Variants in SPEN observed in about 807,000 individuals in gnomAD.
SPEN encodes spen family transcriptional repressor.
In SPEN, 18 loss-of-function variants were observed where a neutral mutation model predicts 269.9. The ratio of observed to expected loss-of-function variants is 0.07; its 90% CI spans 0.05 to 0.10. The LOEUF (loss-of-function observed/expected upper bound fraction) is 0.10, where lower values mean the gene tolerates loss of function less well. Among genes scored for constraint, SPEN ranks in the 10% least tolerant of loss-of-function variants. The probability of loss-of-function intolerance (pLI) is 1.00; values close to 1 mark genes in which losing one functional copy is unlikely to be tolerated. For missense variants in SPEN, 3,822 were observed against 4,631.2 expected, an observed-to-expected ratio of 0.83 and a Z score of 5.07; for synonymous variants, 1,726 against 1,765.7, an observed-to-expected ratio of 0.98 and a Z score of 0.56.
At chr1:15,881,555 C>G (rs1261102886) in intron 3 of SPEN, among the ~76,000 whole-genome samples, 1 of 152,162 alleles carries the variant, frequency 6.6e-6, no homozygotes, top group African/African-American at 2.4e-5. Context: ...TTGCCTTTCT[C>G]AGAATACATG....
rs200567875 is a variant in SPEN at position 15,938,565 on chromosome 1, C to CTT, written c.10705-135_10705-134dup. The CTT allele has an allele frequency of 1.4e-3, 341 of 239,046 alleles. 4 individuals carry two copies. The highest frequency in any genetic ancestry group is 6.2e-3 in the African/African-American group (197 of 31,630). 14.8% of individuals were successfully genotyped at this position (239,046 alleles called of 1,614,324 possible). A position where few individuals can be genotyped will look rare whatever the true frequency, so the allele number is the denominator to read the frequency against. ...TCAGCTTTCTCAGGTTGAAAAAAAG[C>CTT]TTTTTTTTTTTTTTTTTTTCATTCA... On this transcript the variant is annotated intron_variant, in intron 13 of 14. Coordinates refer to ENST00000375759, the MANE Select transcript of SPEN (RefSeq NM_015001.3).
At chr1:15,864,232 G>A (rs1569976846) in intron 1 of SPEN, among the ~76,000 whole-genome samples, 1 of 151,062 alleles carries the variant, frequency 6.6e-6, no homozygotes, top group Non-Finnish European at 1.5e-5. Flanking sequence ...GCAGTGGCTC[G>A]ATCTTGGCTC....
rs769001072 is a variant in SPEN at position 15,934,544 on chromosome 1, G to T, written c.8304G>T (p.Ala2768=). 1 of 1,613,928 alleles carries T rather than the reference G, an allele frequency of 6.2e-7. No individual in the cohort carries two copies. Among genetic ancestry groups the T allele is most frequent in the African/African-American group, 1.3e-5 (1 of 74,928 alleles). ...TGACAATGGCAGGGGCAGTGATTGC[G>T]CCGTCAACAAAGTGCAAACAGAGAG... ...GTVTMAGAVI[A]PSTKCKQRAS... The change falls in exon 11 of 15, where the codon GCG becomes GCT. Residue 2768 remains alanine (A), a synonymous_variant. Transcript: ENST00000375759. This position sits in a 1 kb window ranked among gnomAD's most constrained non-coding sequence, Gnocchi z 9.2.
chr1:15,918,806 C>T (rs1370128240), intron 6 of SPEN, 120 bp from the exon 7 acceptor site: 4 of 764,404 alleles, frequency 5.2e-6, no homozygotes, highest in Non-Finnish European at 8.2e-6. Context: ...GTTTTTTTAA[C>T]TAAGTAAATG....
intron 1 of SPEN, among the ~76,000 whole-genome samples, chr1:15,851,573 C>CT (rs1289085120): frequency 1.3e-5 from 2 of 152,280 alleles, no homozygotes; most frequent in African/African-American, 4.8e-5. Flanking sequence ...TATTTAACAT[C>CT]TTTATCTTTT....
At chr1:15,936,526 GT>G in intron 11 of SPEN, among the ~76,000 whole-genome samples, 1 of 151,922 alleles carries the variant, frequency 6.6e-6, no homozygotes, top group African/African-American at 2.4e-5. Context: ...GCACACACCT[GT>G]GGTTTCAGCT....
In SPEN at chr1:15,933,897, A is replaced by G. The variant is rs115746085; in HGVS notation, c.7657A>G (p.Ser2553Gly). The change falls in exon 11 of 15, where the codon AGT becomes GGT. Residue 2553 changes from serine to glycine, a missense_variant. By Grantham distance (56) the Ser-to-Gly change is moderately conservative. This residue lies in a region of SPEN where 727 missense variants were observed against 737.9 expected (regional missense o/e 0.99). Coordinates refer to ENST00000375759, the MANE Select transcript of SPEN (RefSeq NM_015001.3). The surrounding 1 kb of genome is among the most constrained non-coding windows in gnomAD (Gnocchi z 5.7). ...GTCTGCCACAAGTGTCACTTCCACA[A>G]GTGTCACCACAGCCATTGCAGAGCC... ...YVSATSVTST[S>G]VTTAIAEPVS... is the part of the protein sequence containing the mutation. 1.3e-3 allele frequency: 2,115 copies of G among 1,614,012 alleles called. 36 individuals are homozygous for G. The African/African-American group carries it at 0.025, about 19-fold the overall frequency.
intron 3 of SPEN, among the ~76,000 whole-genome samples, chr1:15,884,189 A>G (rs576388390): frequency 6.6e-6 from 1 of 152,310 alleles, no homozygotes; most frequent in South Asian, 2.1e-4. Context: ...AAAAAGGAAT[A>G]TGACCCTTTT....
intron 3 of SPEN, among the ~76,000 whole-genome samples, chr1:15,892,214 T>C (rs892742604): frequency 6.6e-6 from 1 of 151,912 alleles, no homozygotes; most frequent in Non-Finnish European, 1.5e-5. Context: ...TTAGTAGAGA[T>C]GGGGTTTCAC....
chr1:15,894,197 C>T (rs1264034278), intron 3 of SPEN, among the ~76,000 whole-genome samples: 1 of 152,128 alleles, frequency 6.6e-6, no homozygotes, highest in African/African-American at 2.4e-5. Flanking sequence ...ATTCTATATA[C>T]CGTGTGACTA....
chr1:15,908,427 CT>C (rs548696560), intron 3 of SPEN, among the ~76,000 whole-genome samples: 117 of 147,156 alleles, frequency 8.0e-4, no homozygotes, highest in Middle Eastern at 3.4e-3. Context: ...TTCTTTAATT[CT>C]TTTTTTTTTT....
At position 15,938,563 on chromosome 1, in the gene SPEN, AGCTTTT is replaced by A. The variant is rs2071302672; in HGVS notation, c.10705-154_10705-149del. The A allele has an allele frequency of 1.2e-5, 7 of 577,156 alleles. No homozygotes were observed. The African/African-American group carries it at 1.2e-4, about 10-fold the overall frequency. The allele number at this position is 577,156 out of a possible 1,614,324, so 35.8% of individuals were successfully genotyped here. A position where few individuals can be genotyped will look rare whatever the true frequency, so the allele number is the denominator to read the frequency against. On this transcript the variant is annotated intron_variant, in intron 13 of 14. Coordinates refer to ENST00000375759, the MANE Select transcript of SPEN (RefSeq NM_015001.3). ...AATCAGCTTTCTCAGGTTGAAAAAAAGCTTTTTTTTTTTTTTTTTTTCATTCAAATA... is the reference window on the plus strand; with the variant it reads ...AATCAGCTTTCTCAGGTTGAAAAAAATTTTTTTTTTTTTTTCATTCAAATA...
rs183712223 is a variant in SPEN, at chr1:15,853,866, A to G, written c.83+5716A>G. Among the ~76,000 whole-genome samples the G allele has an allele frequency of 4.5e-3, 682 of 151,880 alleles. 5 individuals are homozygous for G. The highest frequency in any genetic ancestry group is 7.7e-3 in the Non-Finnish European group (523 of 67,930). On this transcript the variant is annotated intron_variant, in intron 1 of 14. Transcript: ENST00000375759. ...GTATTTTTAGTAGAGACGGGGTTTCACTATGTCGGCCAGGCTGGTCTCACT... is the reference window on the plus strand; with the variant it reads ...GTATTTTTAGTAGAGACGGGGTTTCGCTATGTCGGCCAGGCTGGTCTCACT...
At chr1:15,890,306 A>G (rs551966370) in intron 3 of SPEN, among the ~76,000 whole-genome samples, 9 of 152,130 alleles carry the variant, frequency 5.9e-5, no homozygotes, top group Non-Finnish European at 1.3e-4. Context: ...ATCTAGGCTC[A>G]CTGCAACCTC....
rs113834328 is a variant in SPEN, at chr1:15,904,648, ATTT to A, written c.882-4659_882-4657del. ...GGATTCACCCAAAAAGAGTGTGATAATTTTTTTTTTTTTTTTGAGGTCTCAAAC... is the reference window on the plus strand; with the variant it reads ...GGATTCACCCAAAAAGAGTGTGATAATTTTTTTTTTTTTGAGGTCTCAAAC... On this transcript the variant is annotated intron_variant, in intron 3 of 14. Coordinates refer to ENST00000375759, the MANE Select transcript of SPEN (RefSeq NM_015001.3). 7.9e-5 allele frequency among the ~76,000 whole-genome samples: 11 copies of A among 139,438 alleles called. No homozygotes were observed. In the South Asian group the frequency reaches 2.3e-3, roughly 29 times the overall value. The allele number at this position is 139,438 out of a possible 152,430, so 91.5% of individuals were successfully genotyped here. A position where few individuals can be genotyped will look rare whatever the true frequency, so the allele number is the denominator to read the frequency against.
In SPEN at chr1:15,872,320, C is replaced by T. The variant is rs187159345; in HGVS notation, c.84-496C>T. Among the ~76,000 whole-genome samples, 493 of 151,030 alleles carry T rather than the reference C, an allele frequency of 3.3e-3. 2 individuals carry two copies. Among genetic ancestry groups the T allele is most frequent in the African/African-American group, 0.012 (476 of 41,126 alleles). Reference sequence around the variant, plus strand: ...TTATATTTAAGGAATGGGCCGGGCGCGGTGGCTCATGCCTGTAATCCCAGC... The same window carrying T: ...TTATATTTAAGGAATGGGCCGGGCGTGGTGGCTCATGCCTGTAATCCCAGC... On this transcript the variant is annotated intron_variant, in intron 1 of 14. Transcript: ENST00000375759.
At chr1:15,892,172 C>T (rs1570013797) in intron 3 of SPEN, among the ~76,000 whole-genome samples, 1 of 151,962 alleles carries the variant, frequency 6.6e-6, no homozygotes, top group African/African-American at 2.4e-5. Context: ...AGGCACCTTC[C>T]ACCATGCCTG....
intron 1 of SPEN, among the ~76,000 whole-genome samples, chr1:15,865,420 G>GTTTT (rs35623952): frequency 3.4e-5 from 4 of 116,086 alleles, no homozygotes; most frequent in Admixed American, 9.3e-5. Flanking sequence ...GTATATGCCT[G>GTTTT]TTTTTTTTTT....
In SPEN at chr1:15,932,632, A is replaced by G. The variant is rs202073790; in HGVS notation, c.6392A>G (p.Asp2131Gly). Residue 2131 changes from aspartate to glycine, a missense_variant, in exon 11 of 15, where the codon GAT becomes GGT. Asp to Gly is a moderately conservative substitution (Grantham distance 94). Around this residue, in one of 16 missense-constraint regions of SPEN, gnomAD observed 727 missense variants for 737.9 expected, o/e 0.99. Transcript: ENST00000375759. This position sits in a 1 kb window ranked among gnomAD's most constrained non-coding sequence, Gnocchi z 4.2. ...PEKSESPQKEDGLSSQLKSDP... is the reference protein window; with the variant it reads ...PEKSESPQKEGGLSSQLKSDP... Reference sequence around the variant, plus strand: ...AAAAGTGAGAGTCCCCAAAAGGAGGATGGTTTATCATCCCAGTTGAAAAGT... The same window carrying G: ...AAAAGTGAGAGTCCCCAAAAGGAGGGTGGTTTATCATCCCAGTTGAAAAGT... The G allele has an allele frequency of 1.0e-4, 166 of 1,611,096 alleles. No individual in the cohort carries two copies. Among genetic ancestry groups the G allele is most frequent in the Non-Finnish European group, 1.3e-4 (159 of 1,178,144 alleles).
Sources: gnomAD v4.1 joint callset for allele counts (sites outside exome capture counted in the v4.1 genomes callset) on GRCh38, gnomAD v4.1.1 for gene constraint, gnomAD v4.1.1 regional missense constraint, Gnocchi (gnomAD v3.1) non-coding constraint, MANE v1.5 for transcripts, NCBI Gene and HGNC (gene_info 2026-07-23, HGNC 2026-07-21) for gene names.